Variants in ACACB observed in about 807,000 individuals in gnomAD.
The protein encoded by ACACB is acetyl-CoA carboxylase 2.
A neutral mutation model predicts 278.8 loss-of-function variants in ACACB; 209 were observed. The observed-to-expected ratio is 0.75, with a 90% CI of 0.67 to 0.84. ACACB has a LOEUF of 0.84. Ranked by LOEUF, ACACB falls within the 40% of genes least tolerant of loss-of-function variation. The pLI, the probability that ACACB is intolerant of heterozygous loss-of-function variation, is 0.00. For missense variants in ACACB, 2,850 were observed against 3,269.0 expected (o/e 0.87, Z 3.13); for synonymous variants, 1,174 against 1,285.6 (o/e 0.91, Z 1.86).
At chr12:109,210,463 ACG>A (rs2045793554) in intron 21 of ACACB, among the ~76,000 whole-genome samples, 1 of 130,010 alleles carries the variant, frequency 7.7e-6, no homozygotes, top group Admixed American at 7.4e-5. Context: ...ATGTATATAT[ACG>A]CACATACATG....
In ACACB at chr12:109,171,746, T is replaced by C. The variant is rs574148882; in HGVS notation, c.926-59T>C. 108 of 1,279,174 alleles carry C rather than the reference T, an allele frequency of 8.4e-5. No homozygotes were observed. In the African/African-American group the frequency reaches 1.4e-3, roughly 17 times the overall value. 79.2% of individuals were successfully genotyped at this position (1,279,174 alleles called of 1,614,324 possible). ...TGTACATAGTCACATCTTGTAATGT[T>C]CTGCCATTGATGTCAGTCTGTCAGC... On this transcript the variant is annotated intron_variant, in intron 4 of 52. Transcript: ENST00000338432.
chr12:109,201,063 T>C (rs1422485113), intron 18 of ACACB, among the ~76,000 whole-genome samples: 1 of 152,182 alleles, frequency 6.6e-6, no homozygotes, highest in Non-Finnish European at 1.5e-5. Flanking sequence ...GCCGCCACCA[T>C]GGTGACAAAG....
chr12:109,231,365 C>T (rs1205836921), intron 28 of ACACB, among the ~76,000 whole-genome samples: 1 of 152,084 alleles, frequency 6.6e-6, no homozygotes, highest in Non-Finnish European at 1.5e-5. Flanking sequence ...TCAATGGGGA[C>T]AGGTAATTCA....
intron 22 of ACACB, among the ~76,000 whole-genome samples, chr12:109,215,744 C>T (rs2045975619): frequency 6.6e-6 from 1 of 151,596 alleles, no homozygotes. Context: ...CCAGCCTGGC[C>T]GACTGAGCGA....
At chr12:109,257,933 TGCCAC>T (rs1466607173) in intron 45 of ACACB, among the ~76,000 whole-genome samples, 1 of 152,202 alleles carries the variant, frequency 6.6e-6, no homozygotes, top group East Asian at 1.9e-4. Context: ...TCCTCACACT[TGCCAC>T]GTTCCACGTG....
intron 12 of ACACB, among the ~76,000 whole-genome samples, chr12:109,187,206 C>G (rs749426982): frequency 2.6e-4 from 39 of 152,076 alleles, no homozygotes; most frequent in African/African-American, 8.7e-4. Flanking sequence ...GAAATGGCCT[C>G]TTCCCTAGCA....
intron 37 of ACACB, among the ~76,000 whole-genome samples, chr12:109,245,082 G>T (rs1223386506): frequency 6.6e-6 from 1 of 151,962 alleles, no homozygotes; most frequent in Non-Finnish European, 1.5e-5. Flanking sequence ...CAACCCGGGA[G>T]GTTGAGGCAG....
At chr12:109,210,304 T>TAC (rs1391835149) in intron 21 of ACACB, among the ~76,000 whole-genome samples, 1 of 106,180 alleles carries the variant, frequency 9.4e-6, no homozygotes, top group Non-Finnish European at 2.0e-5. Context: ...TATATGTATA[T>TAC]ATACACACAC....
At chr12:109,120,345 C>T (rs1593346522) in intron 1 of ACACB, among the ~76,000 whole-genome samples, 1 of 152,156 alleles carries the variant, frequency 6.6e-6, no homozygotes, top group Admixed American at 6.5e-5. Context: ...TGGGATTTGG[C>T]CCTAGAAATG....
chr12:109,219,089 G>T (rs1249001072), intron 24 of ACACB, among the ~76,000 whole-genome samples: 4 of 151,876 alleles, frequency 2.6e-5, no homozygotes, highest in African/African-American at 9.7e-5. Flanking sequence ...TTTGTAAAGG[G>T]CTCCAGATAG....
intron 1 of ACACB, among the ~76,000 whole-genome samples, chr12:109,128,903 G>A (rs958054358): frequency 2.6e-5 from 4 of 151,862 alleles, no homozygotes; most frequent in African/African-American, 7.3e-5. Flanking sequence ...CTCCTGAAGT[G>A]CTGGAATTAT....
chr12:109,174,082 G>A, intron 6 of ACACB, 50 bp from the exon 7 acceptor site: 2 of 1,525,748 alleles, frequency 1.3e-6, no homozygotes, highest in Non-Finnish European at 8.9e-7. Context: ...AGCCTCGAGG[G>A]TCTTGTGACT....
chr12:109,199,062 C>T (rs370765361), intron 17 of ACACB, among the ~76,000 whole-genome samples: 5 of 152,008 alleles, frequency 3.3e-5, no homozygotes, highest in East Asian at 1.9e-4. Context: ...TGGTGGTGGG[C>T]GCCTGTAGTC....
In ACACB at chr12:109,139,392, T is replaced by C; in HGVS notation, c.-9-5T>C. The C allele has an allele frequency of 1.9e-6, 3 of 1,603,572 alleles. No homozygotes were observed. The South Asian group carries it at 3.3e-5, about 18-fold the overall frequency. ...CCTAAAATGTCTCTCCTTTTCTCCTTACAGATTTTCTGAATGGTCTTGCTT... is the reference window on the plus strand; with the variant it reads ...CCTAAAATGTCTCTCCTTTTCTCCTCACAGATTTTCTGAATGGTCTTGCTT... On this transcript the variant is annotated splice_polypyrimidine_tract_variant and splice_region_variant and intron_variant, in intron 1 of 52. Coordinates refer to ENST00000338432, the MANE Select transcript of ACACB (RefSeq NM_001093.4).
intron 18 of ACACB, among the ~76,000 whole-genome samples, chr12:109,200,334 C>G (rs1302958168): frequency 6.6e-6 from 1 of 152,032 alleles, no homozygotes; most frequent in African/African-American, 2.4e-5. Flanking sequence ...CAGGCACGCA[C>G]CAACATGCCT....
intron 24 of ACACB, among the ~76,000 whole-genome samples, chr12:109,220,824 G>T (rs2046138478): frequency 6.6e-6 from 1 of 152,096 alleles, no homozygotes; most frequent in Non-Finnish European, 1.5e-5. Flanking sequence ...CAAAGTGCAG[G>T]GATTACAGGC....
chr12:109,172,215 C>T, intron 5 of ACACB, 60 bp from the exon 6 acceptor site: 1 of 1,535,266 alleles, frequency 6.5e-7, no homozygotes, highest in Non-Finnish European at 9.0e-7. Flanking sequence ...AGTTACTGCA[C>T]CTGGCTGGGA....
At chr12:109,217,582 C>T (rs1009503906) in intron 24 of ACACB, among the ~76,000 whole-genome samples, 6 of 151,904 alleles carry the variant, frequency 3.9e-5, no homozygotes, top group African/African-American at 1.5e-4. Flanking sequence ...GAGAATCACT[C>T]GAGGCCAGGA....
rs182675729 is a variant in ACACB, at chr12:109,189,279, G to C, written c.2144+1117G>C. 1.7e-3 allele frequency among the ~76,000 whole-genome samples: 260 copies of C among 152,294 alleles called. 1 individual carries two copies. The highest frequency in any genetic ancestry group is 5.8e-3 in the African/African-American group (241 of 41,552). On this transcript the variant is annotated intron_variant, in intron 13 of 52. Transcript: ENST00000338432. ...TTGAGTTGGGCAGTTTTGATGATCA[G>C]GTTTTCTTTGCCAGCTTAGAATAAT...
Sources: gnomAD v4.1 joint callset for allele counts (sites outside exome capture counted in the v4.1 genomes callset) on GRCh38, gnomAD v4.1.1 for gene constraint, MANE v1.5 for transcripts, NCBI Gene and HGNC (gene_info 2026-07-23, HGNC 2026-07-21) for gene names.